The following HMCN1 variants were observed in gnomAD, a reference collection of about 807,000 sequenced individuals.
HMCN1 encodes the protein hemicentin-1.
A neutral mutation model predicts 625.9 loss-of-function variants in HMCN1; 321 were observed. That is an observed-to-expected ratio of 0.51 (90% CI 0.47 to 0.56). The LOEUF is 0.56. Ranked by LOEUF, HMCN1 falls within the 20% of genes least tolerant of loss-of-function variation. The pLI is 0.00. For synonymous variants in HMCN1, 2,425 were observed against 2,417.6 expected (o/e 1.00, Z -0.09); for missense variants, 6,588 against 6,887.3 (o/e 0.96, Z 1.54).
intron 4 of HMCN1, among the ~76,000 whole-genome samples, chr1:185,909,086 T>C (rs1227821297): frequency 6.6e-6 from 1 of 152,056 alleles, no homozygotes; most frequent in African/African-American, 2.4e-5. Context: ...TTGTACACTA[T>C]AGTCTCATTT....
chr1:185,987,909 G>A (rs970306795), intron 20 of HMCN1, among the ~76,000 whole-genome samples: 3 of 151,996 alleles, frequency 2.0e-5, no homozygotes, highest in Admixed American at 6.5e-5. Context: ...CCCTGGTGGC[G>A]CATGTGGAAC....
intron 14 of HMCN1, among the ~76,000 whole-genome samples, chr1:185,966,350 A>G (rs1650405141): frequency 6.6e-6 from 1 of 152,216 alleles, no homozygotes. Flanking sequence ...TGAAGCTTAC[A>G]GATAGTTGAA....
chr1:185,877,418 T>C (rs1056358240), intron 4 of HMCN1, among the ~76,000 whole-genome samples: 17 of 150,996 alleles, frequency 1.1e-4, no homozygotes, highest in African/African-American at 3.9e-4. Flanking sequence ...AGTTTTGTTC[T>C]TTTTGTTTAG....
chr1:186,060,322 AG>A (rs914722187), intron 46 of HMCN1, among the ~76,000 whole-genome samples: 2 of 152,074 alleles, frequency 1.3e-5, no homozygotes, highest in African/African-American at 4.8e-5. Context: ...ATTCAAATTC[AG>A]GGTGCTAAGC....
At chr1:186,133,234 A>G (rs866870819) in intron 86 of HMCN1, among the ~76,000 whole-genome samples, 1 of 152,238 alleles carries the variant, frequency 6.6e-6, no homozygotes, top group Non-Finnish European at 1.5e-5. Flanking sequence ...AGCATATTCA[A>G]TGGAGTGCCC....
At chr1:185,893,604 G>GT (rs1237650595) in intron 4 of HMCN1, among the ~76,000 whole-genome samples, 2 of 151,732 alleles carry the variant, frequency 1.3e-5, no homozygotes, top group African/African-American at 2.4e-5. Flanking sequence ...CCACGGAAAC[G>GT]TTTTTTTTCC....
chr1:185,767,478 C>T (rs1040364241), intron 1 of HMCN1, among the ~76,000 whole-genome samples: 2 of 152,092 alleles, frequency 1.3e-5, no homozygotes, highest in Non-Finnish European at 2.9e-5. Flanking sequence ...ACAATAGTGA[C>T]AATTTTACAA....
intron 71 of HMCN1, among the ~76,000 whole-genome samples, chr1:186,112,204 T>TAA (rs1396677089): frequency 1.3e-5 from 2 of 152,242 alleles, no homozygotes; most frequent in African/African-American, 2.4e-5. Context: ...TTTTAAATGT[T>TAA]AGAGTACAAT....
chr1:186,071,070 C>G (rs533576861), intron 52 of HMCN1, among the ~76,000 whole-genome samples: 2 of 152,268 alleles, frequency 1.3e-5, no homozygotes, highest in South Asian at 4.2e-4. Flanking sequence ...TGGCCACCCT[C>G]CCACTGGAGA....
chr1:186,088,238 C>G lies in HMCN1; in HGVS notation c.9539C>G (p.Pro3180Arg). 6.2e-7 allele frequency: 1 copy of G among 1,612,902 alleles called. No homozygotes were observed. ...ACATGTGATGCCACTGGGATCCCAC[C>G]TCCCACGATAGCATGGTTAAAGAAC... Reference protein sequence around the residue: ...TLTCDATGIPPPTIAWLKNHK... With the variant: ...TLTCDATGIPRPTIAWLKNHK... Residue 3180 changes from proline to arginine, a missense_variant, in exon 62 of 107, where the codon CCT becomes CGT. This residue lies in a region of HMCN1 where 4,628 missense variants were observed against 4,853.1 expected (regional missense o/e 0.95). Coordinates refer to ENST00000271588, the MANE Select transcript of HMCN1 (RefSeq NM_031935.3).
chr1:186,002,556 A>G (rs1193842020), intron 28 of HMCN1, among the ~76,000 whole-genome samples: 1 of 152,120 alleles, frequency 6.6e-6, no homozygotes, highest in East Asian at 1.9e-4. Flanking sequence ...TTATAAAAAC[A>G]AATTACGAAA....
In HMCN1 at chr1:185,815,210, A is replaced by G. The variant is rs140356162; in HGVS notation, c.269-30816A>G. 1.6e-3 allele frequency among the ~76,000 whole-genome samples: 241 copies of G among 150,388 alleles called. 23 individuals are homozygous for G. Among genetic ancestry groups the G allele is most frequent in the African/African-American group, 5.9e-3 (234 of 39,764 alleles). On this transcript the variant is annotated intron_variant, in intron 1 of 106. Transcript: ENST00000271588. ...AGAACCATATCCTGAGAATGATGTA[A>G]TCAACTTTTAAAACATATTGTTTGA...
intron 1 of HMCN1, among the ~76,000 whole-genome samples, chr1:185,845,410 G>A (rs1232753620): frequency 6.6e-6 from 1 of 151,954 alleles, no homozygotes; most frequent in African/African-American, 2.4e-5. Flanking sequence ...TAGTAGAGAC[G>A]GGGTTTCACC....
chr1:186,064,157 C>G (rs1443634129), intron 48 of HMCN1, among the ~76,000 whole-genome samples: 21 of 152,044 alleles, frequency 1.4e-4, no homozygotes, highest in South Asian at 6.2e-4. Context: ...ACAACAGTTG[C>G]ATAGACAAGC....
chr1:186,093,088 T>C (rs1366598062), intron 64 of HMCN1, 46 bp from the exon 65 acceptor site: 1 of 1,611,914 alleles, frequency 6.2e-7, no homozygotes, highest in East Asian at 2.2e-5. Context: ...CTTAGTGAAA[T>C]AGATTCAATC....
Position 186,145,924 on chromosome 1 carries a change from G to C in HMCN1, c.14608+1G>C. ...AGGTGCAATGTACAAGCATGTCCAG[G>C]TAAGCAACTAAATTGGACTTTGGTA... On this transcript the variant is annotated splice_donor_variant, in intron 93 of 106. Transcript: ENST00000271588. LOFTEE classifies it high-confidence loss of function. 1 of 1,613,758 alleles carries C rather than the reference G, an allele frequency of 6.2e-7. No homozygotes were observed. Among genetic ancestry groups the C allele is most frequent in the Non-Finnish European group, 8.5e-7 (1 of 1,179,934 alleles).
chr1:185,753,874 A>C lies in HMCN1; in HGVS notation c.268+18827A>C, dbSNP rs138790480. On this transcript the variant is annotated intron_variant, in intron 1 of 106. Coordinates refer to ENST00000271588, the MANE Select transcript of HMCN1 (RefSeq NM_031935.3). ...GGAAAACTGTGGAGATTCCTCAAAA[A>C]ACTAAAAATAGAATTACCATCTGAT... 3.2e-3 allele frequency among the ~76,000 whole-genome samples: 491 copies of C among 152,294 alleles called. 1 individual carries two copies. The highest frequency in any genetic ancestry group is 0.011 in the African/African-American group (476 of 41,568).
chr1:186,087,189 C>G, intron 58 of HMCN1, 28 bp from the exon 59 acceptor site: 2 of 1,417,864 alleles, frequency 1.4e-6, no homozygotes, highest in Non-Finnish European at 2.0e-6. Flanking sequence ...GTATACCACT[C>G]TACAATTTGC....
chr1:185,792,686 TG>T (rs1198018321), intron 1 of HMCN1, among the ~76,000 whole-genome samples: 2 of 152,222 alleles, frequency 1.3e-5, no homozygotes, highest in East Asian at 3.8e-4. Context: ...AATGACAGAA[TG>T]GTTCCTACTG....
Sources: allele counts gnomAD v4.1 joint callset (sites outside exome capture counted in the v4.1 genomes callset), GRCh38; gene constraint gnomAD v4.1.1; regional missense constraint gnomAD v4.1.1; transcripts MANE v1.5; gene names NCBI Gene and HGNC (gene_info 2026-07-23, HGNC 2026-07-21).